Variants in CCDC83 observed in about 807,000 individuals in gnomAD.
CCDC83 encodes the protein coiled-coil domain containing 83, also known as coiled-coil domain-containing protein 83.
CCDC83 carries 54 observed loss-of-function variants against 50.1 expected under a neutral mutation model. That is an observed-to-expected ratio of 1.08 (90% confidence interval 0.87 to 1.35). CCDC83 has a LOEUF of 1.35. Among genes scored for constraint, CCDC83 ranks in the 40% most tolerant of loss-of-function variants. CCDC83 has a pLI of 0.00. For synonymous variants in CCDC83, 161 were observed against 153.3 expected, an observed-to-expected ratio of 1.05 and a Z score of -0.37; for missense variants, 518 against 473.9, an observed-to-expected ratio of 1.09 and a Z score of -0.86.
intron 7 of CCDC83, among the ~76,000 whole-genome samples, chr11:85,904,321 G>C (rs1007491666): frequency 6.6e-6 from 1 of 152,156 alleles, no homozygotes; most frequent in Non-Finnish European, 1.5e-5. Context: ...GGCCCAAATT[G>C]TGTGCCATTC....
At chr11:85,919,307 T>C in intron 10 of CCDC83, 42 bp from the exon 11 acceptor site, 1 of 1,535,108 alleles carries the variant, frequency 6.5e-7, no homozygotes, top group Non-Finnish European at 8.8e-7. Context: ...GGTAATTTGC[T>C]GAATCACCTC....
At chr11:85,879,624 A>AT (rs35944027) in intron 3 of CCDC83, among the ~76,000 whole-genome samples, 31,074 of 147,800 alleles carry the variant, frequency 0.21, 3,458 homozygotes, top group Non-Finnish European at 0.22. Context: ...AGGATTAACA[A>AT]TTTTTTTTTT....
chr11:85,895,378 C>T lies in CCDC83; in HGVS notation c.597C>T (p.Ala199=). The T allele has an allele frequency of 6.5e-7, 1 of 1,542,832 alleles. No homozygotes were observed. Among genetic ancestry groups the T allele is most frequent in the Non-Finnish European group, 8.8e-7 (1 of 1,133,336 alleles). The change falls in exon 6 of 11, where the codon GCC becomes GCT. Residue 199 remains alanine, a synonymous_variant. Coordinates refer to ENST00000342404, the MANE Select transcript of CCDC83 (RefSeq NM_001286159.2). The part of the protein sequence containing the change: ...LLQLDQKKEW[A]TQNAVKLIDK... ...AACTGGACCAAAAGAAGGAATGGGC[C>T]ACACAGGTATAATTCAATTTTCTTA...
intron 5 of CCDC83, among the ~76,000 whole-genome samples, chr11:85,892,020 G>A (rs1201013589): frequency 6.6e-6 from 1 of 152,178 alleles, no homozygotes; most frequent in Non-Finnish European, 1.5e-5. Flanking sequence ...TTCTGCAAAA[G>A]GGACTAAGAA....
At chr11:85,896,725 T>A (rs2093377517) in intron 6 of CCDC83, among the ~76,000 whole-genome samples, 1 of 151,914 alleles carries the variant, frequency 6.6e-6, no homozygotes, top group South Asian at 2.1e-4. Flanking sequence ...CAATCTTATA[T>A]GTTCTCTAAT....
intron 3 of CCDC83, among the ~76,000 whole-genome samples, chr11:85,880,679 C>G (rs930220444): frequency 6.6e-6 from 1 of 151,778 alleles, no homozygotes; most frequent in African/African-American, 2.4e-5. Flanking sequence ...TCTAGATGGA[C>G]AGTTCTTTAT....
intron 7 of CCDC83, among the ~76,000 whole-genome samples, chr11:85,909,987 T>C (rs910920977): frequency 1.3e-5 from 2 of 152,200 alleles, no homozygotes; most frequent in African/African-American, 4.8e-5. Context: ...AATTGTCCAG[T>C]TCCTCTCCTG....
chr11:85,867,551 C>T (rs2093214580), intron 2 of CCDC83, among the ~76,000 whole-genome samples: 1 of 152,144 alleles, frequency 6.6e-6, no homozygotes, highest in South Asian at 2.1e-4. Context: ...CTTGAAATAA[C>T]ATTAACTAAT....
Position 85,916,235 on chromosome 11 carries a change from T to G in CCDC83, c.1080+2T>G. On this transcript the variant is annotated splice_donor_variant, in intron 10 of 10. Transcript: ENST00000342404. LOFTEE classifies it high-confidence loss of function. ...TATGAGGATGAGAAGGATTTCAAGG[T>G]AAGATTCATAACAACACAACTTTGA... 2 of 1,588,128 alleles carry G rather than the reference T, an allele frequency of 1.3e-6. No homozygotes were observed. Among genetic ancestry groups the G allele is most frequent in the Non-Finnish European group, 1.7e-6 (2 of 1,160,516 alleles).
Position 85,905,618 on chromosome 11 carries a change from TA to T in CCDC83, c.673-5651del, listed in dbSNP as rs1212939338. 4.2e-3 allele frequency among the ~76,000 whole-genome samples: 412 copies of T among 98,350 alleles called. 1 individual carries two copies. Among genetic ancestry groups the T allele is most frequent in the Non-Finnish European group, 5.4e-3 (243 of 44,606 alleles). 64.5% of individuals were successfully genotyped at this position (98,350 alleles called of 152,430 possible). On this transcript the variant is annotated intron_variant, in intron 7 of 10. Transcript: ENST00000342404. ...AGAGCCAGACTCAGACTCAAAAAAA[TA>T]AAAAAAAAAAAGGTATTAACAATTT... is the stretch of plus-strand genomic sequence containing the variant.
intron 10 of CCDC83, 177 bp downstream of exon 10, chr11:85,916,410 G>T (rs781179210): frequency 1.7e-5 from 10 of 599,442 alleles, no homozygotes; most frequent in Non-Finnish European, 2.9e-5. Context: ...TCCTACTCTT[G>T]CCCAATTTGC....
At chr11:85,907,535 G>A (rs1474879395) in intron 7 of CCDC83, among the ~76,000 whole-genome samples, 1 of 152,148 alleles carries the variant, frequency 6.6e-6, no homozygotes, top group African/African-American at 2.4e-5. Context: ...CCAACTTAAC[G>A]TTTTAACTAA....
intron 5 of CCDC83, among the ~76,000 whole-genome samples, chr11:85,890,394 G>T (rs772862756): frequency 6.6e-6 from 1 of 152,188 alleles, no homozygotes; most frequent in African/African-American, 2.4e-5. Flanking sequence ...TGACTAGGGT[G>T]TTGGGGGCCG....
chr11:85,893,450 C>T (rs1230886482), intron 5 of CCDC83, among the ~76,000 whole-genome samples: 1 of 152,180 alleles, frequency 6.6e-6, no homozygotes, highest in African/African-American at 2.4e-5. Context: ...CATAAAATCC[C>T]TGAGGGTTCT....
At chr11:85,896,794 C>T (rs1351745343) in intron 6 of CCDC83, among the ~76,000 whole-genome samples, 1 of 149,194 alleles carries the variant, frequency 6.7e-6, no homozygotes, top group Non-Finnish European at 1.5e-5. Context: ...CTTGACCTCT[C>T]TTCAAACTAT....
Position 85,916,123 on chromosome 11 carries a change from A to G in CCDC83, c.970A>G (p.Ser324Gly). The change falls in exon 10 of 11, where the codon AGC (serine) becomes GGC (glycine). Residue 324 changes from serine to glycine, a missense_variant. Ser to Gly is a moderately conservative substitution (Grantham distance 56, BLOSUM62 0). Transcript: ENST00000342404. ...TATCTTACATCTTAGTCATGAAAAT[A>G]GCATCGAAGATCTCCAGTATGTGAA... ...STILHLSHEN[S>G]IEDLQYVKID... 1.2e-6 allele frequency: 2 copies of G among 1,613,018 alleles called. No homozygotes were observed. The highest frequency in any genetic ancestry group is 4.5e-5 in the East Asian group (2 of 44,814).
intron 10 of CCDC83, among the ~76,000 whole-genome samples, chr11:85,917,231 A>AGAG (rs1554986960): frequency 1.8e-4 from 24 of 134,180 alleles, no homozygotes; most frequent in Middle Eastern, 3.8e-3. Flanking sequence ...AGAAAGAAAG[A>AGAG]AAAGAAAGAA....
Position 85,916,151 on chromosome 11 carries a change from T to A in CCDC83, c.998T>A (p.Ile333Lys). ...NSIEDLQYVK[I>K]DKEENSGTEF... ...ATCGAAGATCTCCAGTATGTGAAGA[T>A]AGATAAAGAGGAAAACTCAGGCACA... The change falls in exon 10 of 11, where the codon ATA (isoleucine) becomes AAA (lysine). Residue 333 changes from isoleucine to lysine, a missense_variant. Physicochemically the swap from Ile to Lys is moderately radical, Grantham distance 102 (BLOSUM62 -3). Transcript: ENST00000342404. 1 of 1,613,436 alleles carries A rather than the reference T, an allele frequency of 6.2e-7. No individual in the cohort carries two copies. The highest frequency in any genetic ancestry group is 2.2e-5 in the East Asian group (1 of 44,804).
At position 85,919,663 on chromosome 11, in the gene CCDC83, C is replaced by A; in HGVS notation, c.*153C>A. The A allele has an allele frequency of 1.6e-6, 1 of 634,642 alleles. No individual in the cohort carries two copies. The highest frequency in any genetic ancestry group is 2.7e-6 in the Non-Finnish European group (1 of 371,204). The allele number at this position is 634,642 out of a possible 1,614,324, so 39.3% of individuals were successfully genotyped here. On this transcript the variant is annotated 3_prime_UTR_variant, in exon 11 of 11. Coordinates refer to ENST00000342404, the MANE Select transcript of CCDC83 (RefSeq NM_001286159.2). ...ATTTACATTTAAAATCAAAGGTATT[C>A]AGCTATTCATTTACTTGCATGGTAT...
Sources: allele counts gnomAD v4.1 joint callset (sites outside exome capture counted in the v4.1 genomes callset), GRCh38; gene constraint gnomAD v4.1.1; transcripts MANE v1.5; gene names NCBI Gene and HGNC (gene_info 2026-07-23, HGNC 2026-07-21).